Variants in CDA observed in about 807,000 individuals in gnomAD.
The protein encoded by CDA is cytidine deaminase.
Under a neutral mutation model 15.0 loss-of-function variants are expected in CDA, and 7 were observed. The observed-to-expected ratio is 0.47, with a 90% CI of 0.26 to 0.87. The LOEUF (loss-of-function observed/expected upper bound fraction) is 0.87, where lower values mean the gene tolerates loss of function less well. CDA is among the 40% of genes least tolerant of loss of function. The pLI is 0.15. For synonymous variants in CDA, 58 were observed against 73.0 expected (o/e 0.79, Z 1.05); for missense variants, 159 against 182.7 (o/e 0.87, Z 0.75).
At position 20,609,849 on chromosome 1, in the gene CDA, C is replaced by T. The variant is rs2052730811; in HGVS notation, c.267-3993C>T. On this transcript the variant is annotated intron_variant, in intron 2 of 3. Transcript: ENST00000375071. ...TCGGCATCCTGGGCAGGAGTCCCCACCCTCTTATGTGCCCGTGGGTTTTTC... is the reference window on the plus strand; with the variant it reads ...TCGGCATCCTGGGCAGGAGTCCCCATCCTCTTATGTGCCCGTGGGTTTTTC... Among the ~76,000 whole-genome samples, 2 of 152,196 alleles carry T rather than the reference C, an allele frequency of 1.3e-5. 1 individual carries two copies. Among genetic ancestry groups the T allele is most frequent in the South Asian group, 4.1e-4 (2 of 4,832 alleles).
chr1:20,604,690 A>G (rs886271277), intron 1 of CDA, among the ~76,000 whole-genome samples: 2 of 152,082 alleles, frequency 1.3e-5, no homozygotes, highest in Non-Finnish European at 2.9e-5. Flanking sequence ...GCTGTGCTTC[A>G]TCATGGAGGC....
At chr1:20,602,734 T>C (rs1454456532) in intron 1 of CDA, among the ~76,000 whole-genome samples, 1 of 152,260 alleles carries the variant, frequency 6.6e-6, no homozygotes, top group Non-Finnish European at 1.5e-5. Flanking sequence ...CATGTGTTTT[T>C]ATAGGCCAGG....
At position 20,608,996 on chromosome 1, in the gene CDA, T is replaced by C. The variant is rs140334035; in HGVS notation, c.266+3957T>C. 3.6e-4 allele frequency among the ~76,000 whole-genome samples: 55 copies of C among 152,288 alleles called. No individual in the cohort carries two copies. The East Asian group carries it at 9.9e-3, about 27-fold the overall frequency. On this transcript the variant is annotated intron_variant, in intron 2 of 3. Transcript: ENST00000375071. ...AGAACCACTATGTATGTGTAAGCCA[T>C]TACTGTTAATGCGCTGTCTCTACAT...
chr1:20,601,314 C>A (rs1171749953), intron 1 of CDA, among the ~76,000 whole-genome samples: 1 of 152,198 alleles, frequency 6.6e-6, no homozygotes, highest in African/African-American at 2.4e-5. Context: ...CAGTTTGAGT[C>A]AGGTGTTCAT....
chr1:20,601,342 G>A (rs1349348395), intron 1 of CDA, among the ~76,000 whole-genome samples: 2 of 152,174 alleles, frequency 1.3e-5, no homozygotes, highest in Non-Finnish European at 2.9e-5. Context: ...CCCATAGCAA[G>A]GTCATAGGAG....
chr1:20,593,398 C>A (rs2052565835), intron 1 of CDA, among the ~76,000 whole-genome samples: 1 of 152,162 alleles, frequency 6.6e-6, no homozygotes, highest in Non-Finnish European at 1.5e-5. Context: ...AGAAAGCAAC[C>A]AGAACCAGAG....
chr1:20,593,455 A>C (rs2052566110), intron 1 of CDA, among the ~76,000 whole-genome samples: 1 of 152,204 alleles, frequency 6.6e-6, no homozygotes, highest in South Asian at 2.1e-4. Context: ...CCAGGAACAC[A>C]AACATCACCA....
intron 2 of CDA, among the ~76,000 whole-genome samples, chr1:20,608,065 T>C (rs1293199238): frequency 6.7e-6 from 1 of 149,308 alleles, no homozygotes; most frequent in Non-Finnish European, 1.5e-5. Context: ...AAACTGTAAA[T>C]AGCCAGCAAA....
intron 1 of CDA, among the ~76,000 whole-genome samples, chr1:20,590,696 G>A (rs1358888313): frequency 6.6e-6 from 1 of 152,216 alleles, no homozygotes; most frequent in Non-Finnish European, 1.5e-5. Flanking sequence ...GGCAGGAGCT[G>A]TGTCTTGAAT....
chr1:20,601,844 G>A (rs1165335431), intron 1 of CDA, among the ~76,000 whole-genome samples: 5 of 152,130 alleles, frequency 3.3e-5, no homozygotes, highest in Non-Finnish European at 7.4e-5. Flanking sequence ...AAAAGGAGGT[G>A]TAGGCTGGGC....
chr1:20,593,269 A>G (rs2052564937), intron 1 of CDA, among the ~76,000 whole-genome samples: 2 of 152,172 alleles, frequency 1.3e-5, no homozygotes, highest in South Asian at 4.1e-4. Flanking sequence ...CGAAGCTACA[A>G]TGGAGTGAGC....
intron 1 of CDA, among the ~76,000 whole-genome samples, chr1:20,590,729 T>C (rs2052540241): frequency 6.6e-6 from 1 of 152,200 alleles, no homozygotes; most frequent in Non-Finnish European, 1.5e-5. Context: ...GACTTTCTCG[T>C]GCTGTGACGT....
intron 2 of CDA, among the ~76,000 whole-genome samples, chr1:20,606,744 T>C (rs1208628175): frequency 6.6e-6 from 1 of 152,138 alleles, no homozygotes; most frequent in African/African-American, 2.4e-5. Context: ...CTCCTATATG[T>C]CCCAAACATA....
rs1266304651 is a variant in CDA at position 20,604,458 on chromosome 1, C to A, written c.155-470C>A. On this transcript the variant is annotated intron_variant, in intron 1 of 3. Coordinates refer to ENST00000375071, the MANE Select transcript of CDA (RefSeq NM_001785.3). ...CTTCATTCCATTCTCATTATCTAATCATTCCTCCAAAGGCCCCACTTCCTA... is the reference window on the plus strand; with the variant it reads ...CTTCATTCCATTCTCATTATCTAATAATTCCTCCAAAGGCCCCACTTCCTA... Among the ~76,000 whole-genome samples, 7 of 152,192 alleles carry A rather than the reference C, an allele frequency of 4.6e-5. No homozygotes were observed. The East Asian group carries it at 1.3e-3, about 29-fold the overall frequency.
At chr1:20,601,016 T>A (rs923249639) in intron 1 of CDA, among the ~76,000 whole-genome samples, 1 of 152,210 alleles carries the variant, frequency 6.6e-6, no homozygotes, top group Non-Finnish European at 1.5e-5. Context: ...CTGATCTCTG[T>A]ATGGTTTCAA....
chr1:20,616,772 C>T (rs1033374660), intron 3 of CDA, among the ~76,000 whole-genome samples: 2 of 152,140 alleles, frequency 1.3e-5, no homozygotes, highest in East Asian at 1.9e-4. Flanking sequence ...AACTCGCCCT[C>T]GGCTCAACTT....
intron 2 of CDA, among the ~76,000 whole-genome samples, chr1:20,611,447 CTCGGCT>C (rs1278618914): frequency 1.4e-4 from 22 of 152,196 alleles, no homozygotes; most frequent in Non-Finnish European, 2.1e-4. Flanking sequence ...GTGGCACCAT[CTCGGCT>C]TACTGCAACC....
At position 20,618,631 on chromosome 1, in the gene CDA, G is replaced by A. The variant is rs1202979241; in HGVS notation, c.*63G>A. ...GAGAACTTCATAAAGATGTCTCACA[G>A]CCCTGGGGACACCTGCCCAGTGGGC... On this transcript the variant is annotated 3_prime_UTR_variant, in exon 4 of 4. Coordinates refer to ENST00000375071, the MANE Select transcript of CDA (RefSeq NM_001785.3). 4.0e-6 allele frequency: 4 copies of A among 1,007,340 alleles called. No homozygotes were observed. Among genetic ancestry groups the A allele is most frequent in the Non-Finnish European group, 4.8e-6 (3 of 626,982 alleles). The allele number at this position is 1,007,340 out of a possible 1,614,324, so 62.4% of individuals were successfully genotyped here.
chr1:20,612,476 C>CA (rs1427616133), intron 2 of CDA, among the ~76,000 whole-genome samples: 14 of 152,022 alleles, frequency 9.2e-5, no homozygotes, highest in Non-Finnish European at 1.6e-4. Context: ...CAATGAGTCT[C>CA]ACGGTCTCCC....
Sources: allele counts gnomAD v4.1 joint callset (sites outside exome capture counted in the v4.1 genomes callset), GRCh38; gene constraint gnomAD v4.1.1; transcripts MANE v1.5; gene names NCBI Gene and HGNC (gene_info 2026-07-23, HGNC 2026-07-21).